TMX1: variants seen among roughly 807,000 people sequenced by gnomAD.
TMX1 encodes the protein thioredoxin related transmembrane protein 1, also known as thioredoxin-related transmembrane protein 1.
In TMX1, 25 loss-of-function variants were observed where a neutral mutation model predicts 36.6. The observed-to-expected ratio is 0.68, with a 90% CI of 0.50 to 0.95. The LOEUF (loss-of-function observed/expected upper bound fraction) is 0.95, where lower values mean the gene tolerates loss of function less well. Ranked by LOEUF, TMX1 falls within the 40% of genes least tolerant of loss-of-function variation. TMX1 has a pLI of 0.00. For synonymous variants in TMX1, 133 were observed against 118.0 expected, an observed-to-expected ratio of 1.13 and a Z score of -0.82; for missense variants, 347 against 339.6, an observed-to-expected ratio of 1.02 and a Z score of -0.17.
intron 4 of TMX1, among the ~76,000 whole-genome samples, chr14:51,247,937 A>C (rs1373706704): frequency 6.6e-6 from 1 of 152,218 alleles, no homozygotes; most frequent in Non-Finnish European, 1.5e-5. Context: ...TTCTGTCTCC[A>C]TAGAGACCGT....
At chr14:51,241,197 G>C (rs572237436) in intron 1 of TMX1, among the ~76,000 whole-genome samples, 1 of 152,180 alleles carries the variant, frequency 6.6e-6, no homozygotes, top group Non-Finnish European at 1.5e-5. Flanking sequence ...ATCATTTATT[G>C]CTCGAACGAA....
chr14:51,243,833 A>T (rs10131881), intron 1 of TMX1, 23 bp from the exon 2 acceptor site: 1,133,044 of 1,499,082 alleles, frequency 0.76, 426,210 homozygotes, highest in Non-Finnish European at 0.78. Context: ...AACTTTTTTT[A>T]AAAAAAAATC....
Position 51,254,760 on chromosome 14 carries a change from A to G in TMX1, c.*241A>G, listed in dbSNP as rs1454291076. On this transcript the variant is annotated 3_prime_UTR_variant, in exon 8 of 8. Coordinates refer to ENST00000457354, the MANE Select transcript of TMX1 (RefSeq NM_030755.5). ...AATTTTTGAAAAATCGTGCCAAGCA[A>G]TAAGATTTATGTATATTTGTTTAAT... 2.6e-5 allele frequency: 8 copies of G among 312,594 alleles called. No homozygotes were observed. The highest frequency in any genetic ancestry group is 2.6e-4 in the South Asian group (2 of 7,600). 19.4% of individuals were successfully genotyped at this position (312,594 alleles called of 1,614,324 possible). A position where few individuals can be genotyped will look rare whatever the true frequency, so the allele number is the denominator to read the frequency against.
chr14:51,254,242 C>T, intron 7 of TMX1, 99 bp from the exon 8 acceptor site: 1 of 1,010,886 alleles, frequency 9.9e-7, no homozygotes, highest in Non-Finnish European at 1.4e-6. Context: ...AAATTTATGC[C>T]AAAGCAGTTT....
intron 1 of TMX1, among the ~76,000 whole-genome samples, 165 bp downstream of exon 1, chr14:51,240,609 T>G (rs533925502): frequency 6.6e-6 from 1 of 152,310 alleles, no homozygotes; most frequent in South Asian, 2.1e-4. Context: ...TGCCGCCAGC[T>G]TGGTCCCACC....
intron 7 of TMX1, 125 bp from the exon 8 acceptor site, chr14:51,254,216 G>A: frequency 3.0e-6 from 2 of 658,946 alleles, no homozygotes. Flanking sequence ...TTTCCTTTTG[G>A]ACATCCAAAC....
At chr14:51,243,494 ACT>A (rs1384722511) in intron 1 of TMX1, among the ~76,000 whole-genome samples, 2 of 152,012 alleles carry the variant, frequency 1.3e-5, no homozygotes, top group Admixed American at 6.6e-5. Context: ...TGCATTTGTG[ACT>A]CTGCATTATA....
At chr14:51,249,033 G>A (rs2065799203) in intron 4 of TMX1, among the ~76,000 whole-genome samples, 1 of 152,116 alleles carries the variant, frequency 6.6e-6, no homozygotes, top group South Asian at 2.1e-4. Flanking sequence ...TTTACTCAGT[G>A]TATTGGAGAA....
chr14:51,240,480 C>G, intron 1 of TMX1, 36 bp downstream of exon 1: 1 of 1,601,324 alleles, frequency 6.2e-7, no homozygotes, highest in Non-Finnish European at 8.5e-7. Flanking sequence ...ACGTCCGTGC[C>G]TGGACACACG....
rs962507528 is a variant in TMX1 at position 51,240,871 on chromosome 14, C to G, written c.152+427C>G. ...GAGAATATTGAGCAAAATTTCTCCT[C>G]TCGTTTTGTCTGTCCTTAAAAGATA... On this transcript the variant is annotated intron_variant, in intron 1 of 7. Coordinates refer to ENST00000457354, the MANE Select transcript of TMX1 (RefSeq NM_030755.5). 3.9e-5 allele frequency among the ~76,000 whole-genome samples: 6 copies of G among 152,066 alleles called. No individual in the cohort carries two copies. The South Asian group carries it at 1.0e-3, about 26-fold the overall frequency.
At chr14:51,245,574 G>GT in intron 3 of TMX1, 1 of 1,197,938 alleles carries the variant, frequency 8.3e-7, no homozygotes, top group Non-Finnish European at 1.2e-6. Flanking sequence ...ATTTACAGTT[G>GT]TTTTGGAAAG....
At chr14:51,248,145 A>G (rs2065795292) in intron 4 of TMX1, among the ~76,000 whole-genome samples, 1 of 152,226 alleles carries the variant, frequency 6.6e-6, no homozygotes. Flanking sequence ...TCCTCGTAGC[A>G]ACTGGCTATG....
chr14:51,241,872 G>T (rs977138990), intron 1 of TMX1, among the ~76,000 whole-genome samples: 1 of 152,232 alleles, frequency 6.6e-6, no homozygotes, highest in Non-Finnish European at 1.5e-5. Context: ...GCTCACGCCT[G>T]TAATCCCAGC....
Position 51,254,298 on chromosome 14 carries a change from C to G in TMX1, c.665-43C>G, listed in dbSNP as rs780385984. The G allele has an allele frequency of 1.1e-5, 17 of 1,539,936 alleles. No homozygotes were observed. The Middle Eastern group carries it at 5.3e-4, about 48-fold the overall frequency. Reference sequence around the variant, plus strand: ...ATCTTGATTTTACTCTAAAGCAAATCTAATACATCAACAAAAATACATTTT... The same window carrying G: ...ATCTTGATTTTACTCTAAAGCAAATGTAATACATCAACAAAAATACATTTT... On this transcript the variant is annotated intron_variant, in intron 7 of 7. Transcript: ENST00000457354.
intron 1 of TMX1, among the ~76,000 whole-genome samples, chr14:51,242,336 A>G (rs1254446493): frequency 6.6e-6 from 1 of 152,214 alleles, no homozygotes; most frequent in Non-Finnish European, 1.5e-5. Flanking sequence ...TATATTAAGC[A>G]ATAGTGATCG....
At position 51,254,574 on chromosome 14, in the gene TMX1, C is replaced by CATTT; in HGVS notation, c.*56_*59dup. The CATTT allele has an allele frequency of 6.7e-7, 1 of 1,495,790 alleles. No homozygotes were observed. Among genetic ancestry groups the CATTT allele is most frequent in the Middle Eastern group, 1.8e-4 (1 of 5,414 alleles). The allele number at this position is 1,495,790 out of a possible 1,614,324, so 92.7% of individuals were successfully genotyped here. On this transcript the variant is annotated 3_prime_UTR_variant, in exon 8 of 8. Transcript: ENST00000457354. Reference sequence around the variant, plus strand: ...ATTTTGATAAAAACAGAAGATTGATCATTTTGTTTGGTTTGAAGTGAACTG... The same window carrying CATTT: ...ATTTTGATAAAAACAGAAGATTGATCATTTATTTTGTTTGGTTTGAAGTGAACTG...
In TMX1 at chr14:51,245,135, G is replaced by A. The variant is rs2065779261; in HGVS notation, c.269-178G>A. On this transcript the variant is annotated intron_variant, in intron 2 of 7. Coordinates refer to ENST00000457354, the MANE Select transcript of TMX1 (RefSeq NM_030755.5). ...TAACTGAGATAATGTGCAGTATTGT[G>A]TTTTTTAAAGTTGCTTTAAGTACAT... is the stretch of plus-strand genomic sequence containing the variant. Among the ~76,000 whole-genome samples, 5 of 152,130 alleles carry A rather than the reference G, an allele frequency of 3.3e-5. 1 individual carries two copies. The South Asian group carries it at 1.0e-3, about 31-fold the overall frequency.
At chr14:51,240,589 T>C in intron 1 of TMX1, 145 bp downstream of exon 1, 3 of 1,223,074 alleles carry the variant, frequency 2.5e-6, no homozygotes, top group South Asian at 3.2e-5. Context: ...CTCCCCAAAC[T>C]CTTGGGATCT....
At chr14:51,246,144 G>C (rs909340156) in intron 3 of TMX1, among the ~76,000 whole-genome samples, 2 of 151,766 alleles carry the variant, frequency 1.3e-5, no homozygotes, top group Non-Finnish European at 2.9e-5. Flanking sequence ...TCTGTTCGCT[G>C]TCTCCATAAG....
Sources: gnomAD v4.1 joint callset for allele counts (sites outside exome capture counted in the v4.1 genomes callset) on GRCh38, gnomAD v4.1.1 for gene constraint, MANE v1.5 for transcripts, NCBI Gene and HGNC (gene_info 2026-07-23, HGNC 2026-07-21) for gene names.